Variants in ATE1 observed in about 807,000 individuals in gnomAD.
The protein encoded by ATE1 is arginyltransferase 1, also known as arginyl-tRNA--protein transferase 1.
Under a neutral mutation model 70.5 loss-of-function variants are expected in ATE1, and 36 were observed. The ratio of observed to expected loss-of-function variants is 0.51; its 90% confidence interval spans 0.39 to 0.67. The LOEUF is 0.67. ATE1 is among the 30% of genes least tolerant of loss of function. The pLI is 0.00. For synonymous variants in ATE1, 232 were observed against 219.3 expected, an observed-to-expected ratio of 1.06 and a Z score of -0.51; for missense variants, 593 against 629.5, an observed-to-expected ratio of 0.94 and a Z score of 0.62.
At chr10:121,873,125 T>C (rs1193066044) in intron 7 of ATE1, among the ~76,000 whole-genome samples, 1 of 152,142 alleles carries the variant, frequency 6.6e-6, no homozygotes, top group Non-Finnish European at 1.5e-5. Context: ...TGCATGATAT[T>C]TGGCTTTTTA....
chr10:121,872,443 C>T (rs1949893965), intron 7 of ATE1, among the ~76,000 whole-genome samples: 1 of 152,190 alleles, frequency 6.6e-6, no homozygotes, highest in Non-Finnish European at 1.5e-5. Context: ...CATTGACACT[C>T]CTATTCCCAC....
rs1351816695 is a variant in ATE1 at position 121,896,505 on chromosome 10, C to A, written c.942+3361G>T. ...TTTAAAAATCTGGCTCCTACCTAAA[C>A]CTCCAAAAAGCCTCATCCCTTGGTC... is the stretch of plus-strand genomic sequence containing the variant. On this transcript the variant is annotated intron_variant, in intron 7 of 11. Coordinates refer to ENST00000224652, the MANE Select transcript of ATE1 (RefSeq NM_001001976.3). Among the ~76,000 whole-genome samples, 3 of 152,088 alleles carry A rather than the reference C, an allele frequency of 2.0e-5. No homozygotes were observed. In the East Asian group the frequency reaches 5.8e-4, roughly 29 times the overall value.
chr10:121,826,423 A>G (rs1948015699), intron 10 of ATE1, among the ~76,000 whole-genome samples: 1 of 152,056 alleles, frequency 6.6e-6, no homozygotes, highest in Non-Finnish European at 1.5e-5. Flanking sequence ...CTCCTGCCTC[A>G]GCCTCCCAAG....
At chr10:121,840,257 C>G (rs1055863021) in intron 9 of ATE1, among the ~76,000 whole-genome samples, 1 of 152,180 alleles carries the variant, frequency 6.6e-6, no homozygotes, top group Admixed American at 6.5e-5. Flanking sequence ...CAGGTCTGTT[C>G]TGTATACATG....
chr10:121,870,575 A>G (rs1590576561), intron 7 of ATE1, among the ~76,000 whole-genome samples: 2 of 152,136 alleles, frequency 1.3e-5, no homozygotes, highest in African/African-American at 2.4e-5. Context: ...GGTCTTTACC[A>G]TGTTCTGATC....
chr10:121,758,245 C>T (rs1239203833), intron 11 of ATE1, among the ~76,000 whole-genome samples: 1 of 152,106 alleles, frequency 6.6e-6, no homozygotes, highest in East Asian at 1.9e-4. Context: ...TTAAATTCTA[C>T]CATATTTCAC....
chr10:121,853,476 T>C (rs1297091786), intron 8 of ATE1, among the ~76,000 whole-genome samples: 1 of 151,484 alleles, frequency 6.6e-6, no homozygotes, highest in Non-Finnish European at 1.5e-5. Context: ...TCAAAGGAAA[T>C]GCATATTGGA....
At position 121,783,117 on chromosome 10, in the gene ATE1, G is replaced by C. The variant is rs368462642; in HGVS notation, c.1378+7052C>G. Among the ~76,000 whole-genome samples the C allele has an allele frequency of 2.0e-5, 3 of 151,952 alleles. No individual in the cohort carries two copies. The East Asian group carries it at 5.8e-4, about 29-fold the overall frequency. Reference sequence around the variant, plus strand: ...TACACTCCTCTCAGCTCATACCTATGTTTTTTACTTTCATCAAAATAAAAT... The same window carrying C: ...TACACTCCTCTCAGCTCATACCTATCTTTTTTACTTTCATCAAAATAAAAT... On this transcript the variant is annotated intron_variant, in intron 11 of 11. Transcript: ENST00000224652.
At chr10:121,803,228 C>T (rs912643020) in intron 10 of ATE1, among the ~76,000 whole-genome samples, 4 of 152,164 alleles carry the variant, frequency 2.6e-5, no homozygotes, top group East Asian at 3.9e-4. Context: ...TTGTATGGAC[C>T]GAATTCTCAA....
At chr10:121,758,304 G>A (rs1297910967) in intron 11 of ATE1, among the ~76,000 whole-genome samples, 3 of 152,130 alleles carry the variant, frequency 2.0e-5, no homozygotes, top group East Asian at 1.9e-4. Flanking sequence ...ATGGACAGGC[G>A]ACCTCTTTAG....
chr10:121,875,858 C>T (rs1950034373), intron 7 of ATE1, among the ~76,000 whole-genome samples: 1 of 152,194 alleles, frequency 6.6e-6, no homozygotes, highest in South Asian at 2.1e-4. Flanking sequence ...CTACTTCAAC[C>T]TCAGTCAAGT....
Position 121,924,311 on chromosome 10 carries a change from A to G in ATE1, c.125T>C (p.Met42Thr). 6.2e-7 allele frequency: 1 copy of G among 1,614,114 alleles called. No individual in the cohort carries two copies. The highest frequency in any genetic ancestry group is 1.1e-5 in the South Asian group (1 of 91,086). The stretch of plus-strand genomic sequence containing the variant: ...GAGATCCTGATAATCCTGTACTGTC[A>G]TGGAATGTGCCCACATGCCTGAAAA... ...SRSNGMWAHSMTVQDYQDLID... is the reference protein window; with the variant it reads ...SRSNGMWAHSTTVQDYQDLID... The change falls in exon 2 of 12, where the codon ATG becomes ACG. Residue 42 changes from methionine (M) to threonine (T), a missense_variant. By Grantham distance (81) the Met-to-Thr change is moderately conservative. This residue lies in a region of ATE1 where 467 missense variants were observed against 469.6 expected (regional missense o/e 0.99). Coordinates refer to ENST00000224652, the MANE Select transcript of ATE1 (RefSeq NM_001001976.3).
chr10:121,863,147 C>T (rs184711872), intron 8 of ATE1, among the ~76,000 whole-genome samples: 3 of 151,682 alleles, frequency 2.0e-5, no homozygotes, highest in Non-Finnish European at 2.9e-5. Flanking sequence ...TCTTGAGGCT[C>T]TATTAAGTGG....
At chr10:121,880,350 G>A (rs1489696643) in intron 7 of ATE1, among the ~76,000 whole-genome samples, 1 of 151,762 alleles carries the variant, frequency 6.6e-6, no homozygotes, top group Non-Finnish European at 1.5e-5. Context: ...TTTATTTGTG[G>A]GCTAAAACAT....
chr10:121,797,672 G>A lies in ATE1; in HGVS notation c.1258-7383C>T, dbSNP rs369691733. ...GCCCATGTTACCCTTCAGACTGGTCGTCTACCGCTTTATCCTCCTCCATCA... is the reference window on the plus strand; with the variant it reads ...GCCCATGTTACCCTTCAGACTGGTCATCTACCGCTTTATCCTCCTCCATCA... On this transcript the variant is annotated intron_variant, in intron 10 of 11. Coordinates refer to ENST00000224652, the MANE Select transcript of ATE1 (RefSeq NM_001001976.3). 6.0e-5 allele frequency among the ~76,000 whole-genome samples: 9 copies of A among 151,186 alleles called. No individual in the cohort carries two copies. The South Asian group carries it at 6.3e-4, about 11-fold the overall frequency.
intron 8 of ATE1, among the ~76,000 whole-genome samples, chr10:121,868,624 TA>T (rs1470866091): frequency 6.6e-6 from 1 of 152,168 alleles, no homozygotes; most frequent in Admixed American, 6.5e-5. Context: ...AATATCCCTG[TA>T]AGTATTATTA....
At chr10:121,814,089 G>A (rs1285843592) in intron 10 of ATE1, among the ~76,000 whole-genome samples, 1 of 152,038 alleles carries the variant, frequency 6.6e-6, no homozygotes, top group East Asian at 1.9e-4. Context: ...AAAAATGGGA[G>A]GATTACTGCA....
intron 10 of ATE1, among the ~76,000 whole-genome samples, chr10:121,798,093 C>T (rs1178175044): frequency 5.3e-5 from 8 of 152,348 alleles, no homozygotes; most frequent in South Asian, 4.1e-4. Context: ...ATTACTTTAA[C>T]ACCTTCTGCC....
chr10:121,829,476 G>A (rs1948151992), intron 10 of ATE1, among the ~76,000 whole-genome samples: 1 of 149,126 alleles, frequency 6.7e-6, no homozygotes, highest in South Asian at 2.1e-4. Flanking sequence ...TGGCAAGGCC[G>A]AGGCAGGTGG....
Sources: gnomAD v4.1 joint callset for allele counts (sites outside exome capture counted in the v4.1 genomes callset) on GRCh38, gnomAD v4.1.1 for gene constraint, gnomAD v4.1.1 regional missense constraint, MANE v1.5 for transcripts, NCBI Gene and HGNC (gene_info 2026-07-23, HGNC 2026-07-21) for gene names.